Variants in TRPC4 observed in about 807,000 individuals in gnomAD.
TRPC4 encodes the protein short transient receptor potential channel 4.
TRPC4 carries 49 observed loss-of-function variants against 99.4 expected under a neutral mutation model. The ratio of observed to expected loss-of-function variants is 0.49; its 90% CI spans 0.39 to 0.63. The LOEUF is 0.63. Among genes scored for constraint, TRPC4 ranks in the 20% least tolerant of loss-of-function variants. The pLI is 0.00. For missense variants in TRPC4, 898 were observed against 1,152.9 expected (o/e 0.78, Z 3.20); for synonymous variants, 454 against 425.9 (o/e 1.07, Z -0.81).
intron 5 of TRPC4, among the ~76,000 whole-genome samples, chr13:37,665,461 G>A (rs1952610346): frequency 6.6e-6 from 1 of 152,114 alleles, no homozygotes; most frequent in South Asian, 2.1e-4. Context: ...GAACTTCTTA[G>A]AACATTTAGC....
At chr13:37,710,857 T>C (rs1954460549) in intron 3 of TRPC4, among the ~76,000 whole-genome samples, 1 of 151,918 alleles carries the variant, frequency 6.6e-6, no homozygotes, top group Admixed American at 6.6e-5. Flanking sequence ...ATTTTTTGAA[T>C]GGAAAGATAG....
intron 3 of TRPC4, among the ~76,000 whole-genome samples, chr13:37,714,577 A>G (rs1460904818): frequency 1.3e-5 from 2 of 152,206 alleles, no homozygotes; most frequent in East Asian, 3.9e-4. Flanking sequence ...ATAAAAACTA[A>G]AATTCTTAAA....
intron 8 of TRPC4, among the ~76,000 whole-genome samples, chr13:37,647,681 C>T (rs1951892611): frequency 6.6e-6 from 1 of 152,132 alleles, no homozygotes. Context: ...TCTAAGATCC[C>T]TTTGGGGTAT....
rs1952458272 is a variant in TRPC4 at position 37,662,012 on chromosome 13, C to G, written c.1688+1404G>C. Among the ~76,000 whole-genome samples, 6 of 152,086 alleles carry G rather than the reference C, an allele frequency of 3.9e-5. No individual in the cohort carries two copies. In the South Asian group the frequency reaches 1.2e-3, roughly 32 times the overall value. ...AAACTGCTGCTTAGGAATACAGGATCAAGAAGGAGCTGGAAGGCCGGCGAA... is the reference window on the plus strand; with the variant it reads ...AAACTGCTGCTTAGGAATACAGGATGAAGAAGGAGCTGGAAGGCCGGCGAA... On this transcript the variant is annotated intron_variant, in intron 6 of 10. Transcript: ENST00000379705.
chr13:37,839,411 C>T (rs1958668155), intron 1 of TRPC4, among the ~76,000 whole-genome samples: 1 of 152,118 alleles, frequency 6.6e-6, no homozygotes, highest in Admixed American at 6.6e-5. Flanking sequence ...ATAATACAGG[C>T]ACATCCAGGG....
At chr13:37,864,383 A>G (rs1959597884) in intron 1 of TRPC4, among the ~76,000 whole-genome samples, 1 of 151,682 alleles carries the variant, frequency 6.6e-6, no homozygotes, top group Non-Finnish European at 1.5e-5. Flanking sequence ...TTATAGAGTA[A>G]GTAGCTGACT....
At chr13:37,708,402 C>T (rs775628856) in intron 3 of TRPC4, among the ~76,000 whole-genome samples, 10 of 152,010 alleles carry the variant, frequency 6.6e-5, no homozygotes, top group Non-Finnish European at 1.3e-4. Context: ...CATACATATG[C>T]TAAATGTAGT....
At chr13:37,820,403 A>G (rs765440377) in intron 1 of TRPC4, among the ~76,000 whole-genome samples, 8 of 151,992 alleles carry the variant, frequency 5.3e-5, no homozygotes, top group African/African-American at 7.2e-5. Flanking sequence ...ACTATTCCCA[A>G]TAATTGAAGA....
intron 2 of TRPC4, among the ~76,000 whole-genome samples, chr13:37,748,458 C>A (rs1026295666): frequency 5.3e-5 from 8 of 151,588 alleles, no homozygotes; most frequent in African/African-American, 1.7e-4. Context: ...ATAATATATC[C>A]ATACAGAATG....
chr13:37,649,331 A>G (rs957743503), intron 8 of TRPC4, among the ~76,000 whole-genome samples: 4 of 152,078 alleles, frequency 2.6e-5, no homozygotes, highest in African/African-American at 4.8e-5. Context: ...TATCTCTCTC[A>G]TTAAAATTGG....
intron 1 of TRPC4, among the ~76,000 whole-genome samples, chr13:37,790,503 A>G (rs1469371588): frequency 1.3e-5 from 2 of 152,214 alleles, no homozygotes; most frequent in Non-Finnish European, 2.9e-5. Context: ...CATATAAATA[A>G]TCACTATTTA....
At position 37,637,469 on chromosome 13, in the gene TRPC4, T is replaced by G. The variant is rs774437900; in HGVS notation, c.2368A>C (p.Lys790Gln). 1.2e-6 allele frequency: 2 copies of G among 1,613,808 alleles called. No homozygotes were observed. The highest frequency in any genetic ancestry group is 1.7e-6 in the Non-Finnish European group (2 of 1,179,812). Residue 790 changes from lysine to glutamine, a missense_variant, in exon 11 of 11, where the codon AAG becomes CAG. Lys to Gln is a moderately conservative substitution (Grantham distance 53). Coordinates refer to ENST00000379705, the MANE Select transcript of TRPC4 (RefSeq NM_016179.4). Reference sequence around the variant, plus strand: ...TCAAAAAGGCTGAAATTCTTTTTCTTGTCCTTGCTATTACCTTCGCTATCA... The same window carrying G: ...TCAAAAAGGCTGAAATTCTTTTTCTGGTCCTTGCTATTACCTTCGCTATCA... ...KSDSEGNSKD[K>Q]KKNFSLFDLT...
At chr13:37,661,412 G>A (rs1952434438) in intron 6 of TRPC4, among the ~76,000 whole-genome samples, 1 of 152,170 alleles carries the variant, frequency 6.6e-6, no homozygotes, top group African/African-American at 2.4e-5. Flanking sequence ...GATTGCAGAG[G>A]AATCAGATAG....
At chr13:37,857,089 C>G (rs78279226) in intron 1 of TRPC4, among the ~76,000 whole-genome samples, 19 of 151,184 alleles carry the variant, frequency 1.3e-4, no homozygotes, top group African/African-American at 3.9e-4. Context: ...TTGCAAGATA[C>G]AAAATTAATG....
chr13:37,752,160 T>A (rs1248179272), intron 2 of TRPC4, among the ~76,000 whole-genome samples: 1 of 142,922 alleles, frequency 7.0e-6, no homozygotes, highest in Non-Finnish European at 1.5e-5. Context: ...AACATAAAAA[T>A]TATTTGCTAA....
At chr13:37,856,632 A>G (rs1283102622) in intron 1 of TRPC4, among the ~76,000 whole-genome samples, 1 of 151,684 alleles carries the variant, frequency 6.6e-6, no homozygotes, top group African/African-American at 2.4e-5. Context: ...AAAATCCCCA[A>G]CAAAATATGA....
At chr13:37,860,876 C>T (rs1304282236) in intron 1 of TRPC4, among the ~76,000 whole-genome samples, 4 of 151,318 alleles carry the variant, frequency 2.6e-5, no homozygotes, top group Non-Finnish European at 4.4e-5. Context: ...GTATGTGAAA[C>T]GCTTTGAGCA....
chr13:37,807,423 T>TAAA (rs1957553386), intron 1 of TRPC4, among the ~76,000 whole-genome samples: 1 of 152,026 alleles, frequency 6.6e-6, no homozygotes, highest in South Asian at 2.1e-4. Flanking sequence ...GTAATAATAA[T>TAAA]AAACAATGAT....
At chr13:37,822,889 A>T (rs1251213011) in intron 1 of TRPC4, among the ~76,000 whole-genome samples, 1 of 150,446 alleles carries the variant, frequency 6.6e-6, no homozygotes, top group Non-Finnish European at 1.5e-5. Context: ...TCCCACCAAC[A>T]GTGTAAAAGT....
Sources: gnomAD v4.1 joint callset for allele counts (sites outside exome capture counted in the v4.1 genomes callset) on GRCh38, gnomAD v4.1.1 for gene constraint, MANE v1.5 for transcripts, NCBI Gene and HGNC (gene_info 2026-07-23, HGNC 2026-07-21) for gene names.